The following FNIP2 variants were observed in gnomAD, a reference collection of about 807,000 sequenced individuals.
FNIP2 encodes folliculin interacting protein 2, also known as folliculin-interacting protein 2.
Under a neutral mutation model 108.7 loss-of-function variants are expected in FNIP2, and 32 were observed. The ratio of observed to expected loss-of-function variants is 0.29; its 90% CI spans 0.22 to 0.40. The LOEUF (loss-of-function observed/expected upper bound fraction) is 0.40, where lower values mean the gene tolerates loss of function less well. Among genes scored for constraint, FNIP2 ranks in the 10% least tolerant of loss-of-function variants. The pLI is 1.00. For missense variants in FNIP2, 1,202 were observed against 1,381.6 expected, an observed-to-expected ratio of 0.87 and a Z score of 2.06; for synonymous variants, 480 against 496.7, an observed-to-expected ratio of 0.97 and a Z score of 0.45.
At chr4:158,871,948 G>C in intron 14 of FNIP2, 1 of 985,106 alleles carries the variant, frequency 1.0e-6, no homozygotes, top group Non-Finnish European at 1.2e-6. Context: ...ATAACATTAA[G>C]GCACCTTTTC....
At chr4:158,888,127 C>T (rs999340583) in intron 14 of FNIP2, among the ~76,000 whole-genome samples, 1 of 152,118 alleles carries the variant, frequency 6.6e-6, no homozygotes, top group Non-Finnish European at 1.5e-5. Context: ...TTTAGACTTC[C>T]CTCTAGTTTG....
At position 158,810,975 on chromosome 4, in the gene FNIP2, T is replaced by C. The variant is rs112755457; in HGVS notation, c.108-14941T>C. 3.4e-3 allele frequency among the ~76,000 whole-genome samples: 514 copies of C among 152,336 alleles called. 3 individuals are homozygous for C. The highest frequency in any genetic ancestry group is 5.8e-3 in the Non-Finnish European group (396 of 68,024). Reference sequence around the variant, plus strand: ...GCTCTGGCTTAGCCTTATCCTTTTATTGTTACAGTAACAAAAGCCAAATAA... The same window carrying C: ...GCTCTGGCTTAGCCTTATCCTTTTACTGTTACAGTAACAAAAGCCAAATAA... On this transcript the variant is annotated intron_variant, in intron 1 of 16. Coordinates refer to ENST00000264433, the MANE Select transcript of FNIP2 (RefSeq NM_020840.3).
rs747657178 is a variant in FNIP2, at chr4:158,861,708, A to G, written c.1397A>G (p.Lys466Arg). 6.2e-6 allele frequency: 10 copies of G among 1,614,018 alleles called. No homozygotes were observed. The East Asian group carries it at 2.2e-4, about 36-fold the overall frequency. The part of the protein sequence containing the change: ...DHPPIKAFSE[K>R]RTSQSVNMLA... ...CCTCCCATCAAAGCCTTCTCAGAGA[A>G]ACGTACCTCCCAGTCAGTGAACATG... Residue 466 changes from lysine (K) to arginine (R), a missense_variant, in exon 12 of 17, where the codon AAA becomes AGA. Physicochemically the swap from Lys to Arg is conservative, Grantham distance 26. Around this residue, in one of 5 missense-constraint regions of FNIP2, gnomAD observed 878 missense variants for 990.3 expected, o/e 0.89. Transcript: ENST00000264433.
chr4:158,869,457 G>A (rs1309244119), intron 13 of FNIP2, 29 bp downstream of exon 13: 2 of 1,545,202 alleles, frequency 1.3e-6, no homozygotes, highest in Non-Finnish European at 1.7e-6. Context: ...GAAGTAGAGG[G>A]AACTGGGTTC....
At chr4:158,848,042 C>T (rs904625245) in intron 7 of FNIP2, among the ~76,000 whole-genome samples, 5 of 152,224 alleles carry the variant, frequency 3.3e-5, no homozygotes, top group African/African-American at 1.2e-4. Flanking sequence ...CACAGCATCT[C>T]TGGACTCACC....
At chr4:158,886,860 A>G (rs141045507) in intron 14 of FNIP2, among the ~76,000 whole-genome samples, 1,843 of 152,350 alleles carry the variant, frequency 0.012, 34 homozygotes, top group African/African-American at 0.041. Context: ...CTTTTAAAAA[A>G]GGTAACTATA....
At chr4:158,817,939 A>G (rs1777666043) in intron 1 of FNIP2, among the ~76,000 whole-genome samples, 1 of 152,220 alleles carries the variant, frequency 6.6e-6, no homozygotes, top group African/African-American at 2.4e-5. Context: ...AGCCTAGGCA[A>G]TCTGACATCC....
intron 14 of FNIP2, among the ~76,000 whole-genome samples, chr4:158,880,540 T>C (rs1781533730): frequency 6.6e-6 from 1 of 152,174 alleles, no homozygotes; most frequent in Admixed American, 6.5e-5. Flanking sequence ...TGTATACATA[T>C]GTAACAAACC....
intron 16 of FNIP2, among the ~76,000 whole-genome samples, chr4:158,901,314 T>C (rs547038479): frequency 2.6e-5 from 4 of 152,186 alleles, no homozygotes; most frequent in Non-Finnish European, 5.9e-5. Flanking sequence ...TGTTGAATAT[T>C]GGCCCCCACT....
intron 8 of FNIP2, among the ~76,000 whole-genome samples, chr4:158,858,268 T>A (rs1231276640): frequency 2.6e-5 from 4 of 152,222 alleles, no homozygotes; most frequent in Non-Finnish European, 5.9e-5. Context: ...TGTTAGGTCC[T>A]TTGTGTTGGT....
chr4:158,896,667 G>A (rs1052688424), intron 16 of FNIP2, among the ~76,000 whole-genome samples: 3 of 151,846 alleles, frequency 2.0e-5, no homozygotes, highest in Non-Finnish European at 4.4e-5. Flanking sequence ...TGTGTTGTTC[G>A]GCTCTTGGCA....
intron 14 of FNIP2, among the ~76,000 whole-genome samples, chr4:158,881,409 TCTCCCTCTCCCTCTCTTTC>T (rs1781607313): frequency 4.5e-5 from 1 of 22,268 alleles, no homozygotes; most frequent in African/African-American, 1.4e-4. Flanking sequence ...CTTTCCACGG[TCTCCCTCTCCCTCTCTTTC>T]CACGGTCTCC....
At chr4:158,894,493 A>G (rs1782511500) in intron 15 of FNIP2, among the ~76,000 whole-genome samples, 1 of 152,106 alleles carries the variant, frequency 6.6e-6, no homozygotes, top group South Asian at 2.1e-4. Flanking sequence ...AAATGCTTTG[A>G]TTTCACGTCT....
At chr4:158,775,916 A>G (rs767992604) in intron 1 of FNIP2, among the ~76,000 whole-genome samples, 11 of 152,056 alleles carry the variant, frequency 7.2e-5, no homozygotes, top group Non-Finnish European at 1.3e-4. Context: ...TTATTTTTCT[A>G]GTTATTTGTC....
intron 1 of FNIP2, among the ~76,000 whole-genome samples, chr4:158,786,821 T>C (rs1776239541): frequency 6.6e-6 from 1 of 152,226 alleles, no homozygotes; most frequent in African/African-American, 2.4e-5. Flanking sequence ...GGTTTCTTTG[T>C]CCTTATGAAT....
chr4:158,813,552 A>C (rs1293363220), intron 1 of FNIP2, among the ~76,000 whole-genome samples: 1 of 152,066 alleles, frequency 6.6e-6, no homozygotes, highest in Non-Finnish European at 1.5e-5. Flanking sequence ...CTGAGTTTTA[A>C]CTGTTCTTTA....
intron 1 of FNIP2, among the ~76,000 whole-genome samples, chr4:158,810,534 G>C (rs1332899732): frequency 6.6e-6 from 1 of 152,194 alleles, no homozygotes; most frequent in Non-Finnish European, 1.5e-5. Flanking sequence ...TGATAAGAGT[G>C]AATGAATCAA....
At chr4:158,777,707 C>T (rs913582624) in intron 1 of FNIP2, among the ~76,000 whole-genome samples, 3 of 152,184 alleles carry the variant, frequency 2.0e-5, no homozygotes, top group Non-Finnish European at 4.4e-5. Context: ...GCTGAGTGCA[C>T]AGGCTCCACG....
intron 7 of FNIP2, among the ~76,000 whole-genome samples, chr4:158,837,764 G>A (rs60547563): frequency 0.29 from 44,165 of 152,048 alleles, 7,147 homozygotes; most frequent in Non-Finnish European, 0.38. Context: ...TGTGAATTTT[G>A]AAAGCTGGAG....
Sources: gnomAD v4.1 joint callset for allele counts (sites outside exome capture counted in the v4.1 genomes callset) on GRCh38, gnomAD v4.1.1 for gene constraint, gnomAD v4.1.1 regional missense constraint, MANE v1.5 for transcripts, NCBI Gene and HGNC (gene_info 2026-07-23, HGNC 2026-07-21) for gene names.